The following SLC60A1 variants were observed in gnomAD, a reference collection of about 807,000 sequenced individuals.
SLC60A1 encodes the protein solute carrier family 60 member 1.
At chr1:205,590,035 G>A in the SLC60A1 span, among the ~76,000 whole-genome samples, 13 of 152,210 alleles carry the variant, frequency 8.5e-5, no homozygotes, top group Admixed American at 8.5e-4. Context: ...CTCACTTGAT[G>A]TGTGCAGGAG....
the SLC60A1 span, chr1:205,580,935 G>A: frequency 6.2e-7 from 1 of 1,610,920 alleles, no homozygotes; most frequent in Non-Finnish European, 8.5e-7. The surrounding 1 kb of genome is among the most constrained non-coding windows in gnomAD (Gnocchi z 5.0). Flanking sequence ...AGTGTCCCTG[G>A]GGTGGGCCAG....
At chr1:205,580,586 C>T in the SLC60A1 span, 320 of 1,552,528 alleles carry the variant, frequency 2.1e-4, no homozygotes, top group African/African-American at 3.8e-3. The surrounding 1 kb of genome is among the most constrained non-coding windows in gnomAD (Gnocchi z 5.0). Flanking sequence ...TCCTCTGGAC[C>T]GGAGGCCAGG....
the SLC60A1 span, chr1:205,579,426 A>G: frequency 1.9e-6 from 1 of 533,976 alleles, no homozygotes; most frequent in East Asian, 2.9e-5. Context: ...TTCCCTGAAA[A>G]GGGTGGGGAA....
chr1:205,580,955 T>C, the SLC60A1 span: 1 of 1,603,528 alleles, frequency 6.2e-7, no homozygotes, highest in South Asian at 1.1e-5. The surrounding 1 kb of genome is among the most constrained non-coding windows in gnomAD (Gnocchi z 5.0). Flanking sequence ...GGTAGGGAGC[T>C]AGTGGACAGT....
the SLC60A1 span, chr1:205,583,981 G>A: frequency 6.2e-7 from 1 of 1,613,780 alleles, no homozygotes. Context: ...CTGTGCTGAT[G>A]CTGCTGTCCA....
the SLC60A1 span, chr1:205,592,029 C>T: frequency 6.8e-7 from 1 of 1,462,604 alleles, no homozygotes. Context: ...AGCTGGGCTC[C>T]TTGGGCTAGA....
At chr1:205,573,312 C>T in the SLC60A1 span, among the ~76,000 whole-genome samples, 1 of 151,700 alleles carries the variant, frequency 6.6e-6, no homozygotes, top group Non-Finnish European at 1.5e-5. Flanking sequence ...CCCAGCTACT[C>T]GGGAGGCTGA....
At chr1:205,599,022 C>A in the SLC60A1 span, 7 of 1,409,354 alleles carry the variant, frequency 5.0e-6, no homozygotes, top group South Asian at 8.0e-5. Flanking sequence ...GTGTGACGGG[C>A]CTCAACTTAG....
chr1:205,599,738 C>A, the SLC60A1 span: 11,951 of 158,740 alleles, frequency 0.075, 589 homozygotes, highest in Non-Finnish European at 0.11. Context: ...TCCTTCAGGG[C>A]ACAGACACCT....
At chr1:205,569,065 G>A in the SLC60A1 span, 1 of 1,471,634 alleles carries the variant, frequency 6.8e-7, no homozygotes, top group Non-Finnish European at 9.0e-7. Flanking sequence ...CCGTCAGCCT[G>A]CGCCATGGGC....
chr1:205,599,097 A>G, the SLC60A1 span: 1 of 1,611,710 alleles, frequency 6.2e-7, no homozygotes. Context: ...TGAAGTTTTA[A>G]TTGTCTGTCT....
chr1:205,580,528 C>G, the SLC60A1 span: 23 of 1,186,334 alleles, frequency 1.9e-5, no homozygotes, highest in Non-Finnish European at 2.7e-5. The surrounding 1 kb of genome is among the most constrained non-coding windows in gnomAD (Gnocchi z 5.0). Context: ...GGGCAACAGC[C>G]CCTACATGGG....
At chr1:205,600,325 G>T in the SLC60A1 span, 3 of 1,425,630 alleles carry the variant, frequency 2.1e-6, no homozygotes, top group Admixed American at 5.3e-5. Flanking sequence ...CAAACAGCCT[G>T]GGTAAGCTCT....
chr1:205,569,396 C>T, the SLC60A1 span: 2 of 886,294 alleles, frequency 2.3e-6, no homozygotes, highest in Non-Finnish European at 2.9e-6. Context: ...GGCCTCTCCC[C>T]CGGCCCCGTG....
chr1:205,599,166 C>A, the SLC60A1 span: 1 of 1,614,178 alleles, frequency 6.2e-7, no homozygotes, highest in Non-Finnish European at 8.5e-7. Flanking sequence ...GTTTCCTGGT[C>A]TGTGGCGTGA....
chr1:205,592,654 CTT>C, the SLC60A1 span, among the ~76,000 whole-genome samples: 1 of 152,160 alleles, frequency 6.6e-6, no homozygotes, highest in African/African-American at 2.4e-5. Context: ...CCCCTCCTGA[CTT>C]TGGCGGGAGC....
At chr1:205,579,615 C>A in the SLC60A1 span, 1 of 979,156 alleles carries the variant, frequency 1.0e-6, no homozygotes, top group South Asian at 1.4e-5. Flanking sequence ...AAGTGAGCAG[C>A]TTCTTCCTCA....
chr1:205,600,980 T>G, the SLC60A1 span: 1 of 152,538 alleles, frequency 6.6e-6, no homozygotes, highest in East Asian at 1.9e-4. Flanking sequence ...CAATAGCTTA[T>G]CTATATTCTC....
chr1:205,572,751 C>T, the SLC60A1 span, among the ~76,000 whole-genome samples: 1 of 152,198 alleles, frequency 6.6e-6, no homozygotes, highest in Non-Finnish European at 1.5e-5. Context: ...CAAAAGCCTA[C>T]TGAGCGTCCA....
Sources: allele counts gnomAD v4.1 joint callset (sites outside exome capture counted in the v4.1 genomes callset), GRCh38; gene constraint gnomAD v4.1.1; non-coding constraint Gnocchi (gnomAD v3.1); transcripts MANE v1.5; gene names NCBI Gene and HGNC (gene_info 2026-07-23, HGNC 2026-07-21).